Variants in ATRNL1 observed in about 807,000 individuals in gnomAD.
ATRNL1 encodes attractin like 1, also known as attractin-like protein 1.
A neutral mutation model predicts 182.7 loss-of-function variants in ATRNL1; 95 were observed. The ratio of observed to expected loss-of-function variants is 0.52; its 90% CI spans 0.44 to 0.62. ATRNL1 has a LOEUF of 0.62. Among genes scored for constraint, ATRNL1 ranks in the 20% least tolerant of loss-of-function variants. ATRNL1 has a pLI of 0.00. For missense variants in ATRNL1, 1,471 were observed against 1,679.5 expected, an observed-to-expected ratio of 0.88 and a Z score of 2.17; for synonymous variants, 576 against 568.3, an observed-to-expected ratio of 1.01 and a Z score of -0.19.
chr10:115,429,484 A>G (rs927812499), intron 21 of ATRNL1, among the ~76,000 whole-genome samples: 2 of 152,146 alleles, frequency 1.3e-5, no homozygotes, highest in African/African-American at 4.8e-5. Context: ...TTTATGGAAT[A>G]TTCCTTGTAT....
chr10:115,255,246 A>G (rs1554906457), intron 10 of ATRNL1, among the ~76,000 whole-genome samples: 1 of 152,130 alleles, frequency 6.6e-6, no homozygotes, highest in Non-Finnish European at 1.5e-5. Context: ...TTTTCACGAT[A>G]CTGATTCTTC....
chr10:115,347,726 T>C (rs1326531657), intron 19 of ATRNL1, among the ~76,000 whole-genome samples: 3 of 152,014 alleles, frequency 2.0e-5, no homozygotes, highest in Non-Finnish European at 4.4e-5. Flanking sequence ...TATTATAAGT[T>C]ACTCTTAAAA....
At chr10:115,838,314 A>T (rs1185523806) in intron 27 of ATRNL1, among the ~76,000 whole-genome samples, 1 of 152,196 alleles carries the variant, frequency 6.6e-6, no homozygotes, top group Non-Finnish European at 1.5e-5. Flanking sequence ...TGTCAAGAGG[A>T]TGTCTGTGGT....
chr10:115,637,457 G>A (rs1192560408), intron 26 of ATRNL1, among the ~76,000 whole-genome samples: 1 of 151,734 alleles, frequency 6.6e-6, no homozygotes, highest in Non-Finnish European at 1.5e-5. Flanking sequence ...GTAAATCAAA[G>A]CTTATAGAGT....
At chr10:115,334,094 G>T (rs1441149259) in intron 18 of ATRNL1, among the ~76,000 whole-genome samples, 188 bp from the exon 19 acceptor site, 1 of 152,104 alleles carries the variant, frequency 6.6e-6, no homozygotes, top group Non-Finnish European at 1.5e-5. Context: ...TTCAACACAT[G>T]ATTTATGGTA....
At chr10:115,407,086 T>G (rs1844867850) in intron 20 of ATRNL1, among the ~76,000 whole-genome samples, 1 of 152,162 alleles carries the variant, frequency 6.6e-6, no homozygotes, top group Non-Finnish European at 1.5e-5. Flanking sequence ...TAAAATATTT[T>G]CATTTATTTA....
chr10:115,836,173 T>C (rs1171131515), intron 27 of ATRNL1, among the ~76,000 whole-genome samples: 3 of 152,190 alleles, frequency 2.0e-5, no homozygotes, highest in Non-Finnish European at 2.9e-5. Context: ...CCTCTTGACC[T>C]TTGTGTGGGC....
At chr10:115,291,863 T>C (rs961419019) in intron 15 of ATRNL1, among the ~76,000 whole-genome samples, 1 of 151,136 alleles carries the variant, frequency 6.6e-6, no homozygotes. Flanking sequence ...ATCAGTGTTA[T>C]GCTGACCTCA....
intron 26 of ATRNL1, among the ~76,000 whole-genome samples, chr10:115,601,127 G>T (rs1555015814): frequency 6.6e-6 from 1 of 150,962 alleles, no homozygotes; most frequent in African/African-American, 2.4e-5. Context: ...TTCTTCTTTG[G>T]CTCATGACTT....
At chr10:115,101,004 A>G (rs1843745830) in intron 1 of ATRNL1, among the ~76,000 whole-genome samples, 1 of 152,122 alleles carries the variant, frequency 6.6e-6, no homozygotes, top group Admixed American at 6.5e-5. Context: ...GGCATTTTTT[A>G]AACTTTCACT....
intron 3 of ATRNL1, 48 bp downstream of exon 3, chr10:115,121,860 C>A: frequency 1.1e-6 from 1 of 870,828 alleles, no homozygotes; most frequent in Non-Finnish European, 1.8e-6. Flanking sequence ...TGTGTAATTG[C>A]TTCTTTAAAT....
At chr10:115,772,798 A>G (rs1298101519) in intron 27 of ATRNL1, among the ~76,000 whole-genome samples, 1 of 152,186 alleles carries the variant, frequency 6.6e-6, no homozygotes, top group African/African-American at 2.4e-5. Flanking sequence ...GCCAAAGAGT[A>G]CATCTTGCTT....
At chr10:115,828,020 GA>G (rs1555092496) in intron 27 of ATRNL1, among the ~76,000 whole-genome samples, 4 of 152,014 alleles carry the variant, frequency 2.6e-5, no homozygotes, top group African/African-American at 9.7e-5. Context: ...AATGCTTCAA[GA>G]AACACCAAGC....
chr10:115,647,022 A>G (rs1345553430), intron 26 of ATRNL1, among the ~76,000 whole-genome samples: 8 of 137,398 alleles, frequency 5.8e-5, no homozygotes, highest in African/African-American at 1.9e-4. Flanking sequence ...TCATTGTTCA[A>G]TTCCCACCTA....
intron 27 of ATRNL1, among the ~76,000 whole-genome samples, chr10:115,788,544 CTAAT>C (rs1555080950): frequency 6.6e-6 from 1 of 152,126 alleles, no homozygotes; most frequent in African/African-American, 2.4e-5. Context: ...ACTTGAAGGT[CTAAT>C]TAGCCAATTG....
chr10:115,547,450 C>G (rs995494516), intron 25 of ATRNL1, among the ~76,000 whole-genome samples: 1 of 151,714 alleles, frequency 6.6e-6, no homozygotes, highest in African/African-American at 2.4e-5. Flanking sequence ...CTTTTATAGC[C>G]CTTTCAAGGA....
intron 27 of ATRNL1, among the ~76,000 whole-genome samples, chr10:115,786,894 G>C (rs782575849): frequency 6.6e-6 from 1 of 152,112 alleles, no homozygotes; most frequent in Non-Finnish European, 1.5e-5. Context: ...GCAACACCTA[G>C]AGAAATCTAA....
chr10:115,642,856 A>G (rs1243122380), intron 26 of ATRNL1, among the ~76,000 whole-genome samples: 6 of 152,330 alleles, frequency 3.9e-5, no homozygotes, highest in African/African-American at 1.4e-4. Flanking sequence ...AGGATTGGTA[A>G]CACTTGATTT....
intron 26 of ATRNL1, among the ~76,000 whole-genome samples, chr10:115,637,346 G>A (rs1248835970): frequency 3.3e-5 from 5 of 152,072 alleles, no homozygotes; most frequent in African/African-American, 1.2e-4. Flanking sequence ...GTGGAAGACA[G>A]TGATACTACT....
Sources: gnomAD v4.1 joint callset for allele counts (sites outside exome capture counted in the v4.1 genomes callset) on GRCh38, gnomAD v4.1.1 for gene constraint, MANE v1.5 for transcripts, NCBI Gene and HGNC (gene_info 2026-07-23, HGNC 2026-07-21) for gene names.